SMARCA1: variants seen among roughly 807,000 people sequenced by gnomAD.
The protein encoded by SMARCA1 is SNF2 related chromatin remodeling ATPase 1.
A neutral mutation model predicts 93.6 loss-of-function variants in SMARCA1; 17 were observed. That is an observed-to-expected ratio of 0.18 (90% CI 0.12 to 0.27). SMARCA1 has a LOEUF of 0.27. Among genes scored for constraint, SMARCA1 ranks in the 10% least tolerant of loss-of-function variants. The pLI is 1.00. For synonymous variants in SMARCA1, 271 were observed against 271.4 expected (o/e 1.00, Z 0.01); for missense variants, 630 against 819.0 (o/e 0.77, Z 2.82).
intron 12 of SMARCA1, among the ~76,000 whole-genome samples, chrX:129,493,514 C>T (rs909293653): frequency 3.6e-5 from 4 of 111,029 alleles, no homozygotes; most frequent in Admixed American, 9.7e-5. Flanking sequence ...TAACTACCAC[C>T]GTCACAGTCA....
At chrX:129,452,785 C>A (rs1932373284) in intron 23 of SMARCA1, among the ~76,000 whole-genome samples, 1 of 112,164 alleles carries the variant, frequency 8.9e-6, no homozygotes, top group Admixed American at 9.4e-5. Flanking sequence ...TACTGCACTT[C>A]ACTTTACTGA....
At chrX:129,483,270 G>A (rs1223306898) in intron 17 of SMARCA1, among the ~76,000 whole-genome samples, 1 of 111,781 alleles carries the variant, frequency 8.9e-6, no homozygotes, top group Non-Finnish European at 1.9e-5. Flanking sequence ...ATAAAACAGT[G>A]AAACAAACTA....
intron 10 of SMARCA1, among the ~76,000 whole-genome samples, chrX:129,499,307 G>T (rs751585510): frequency 8.9e-6 from 1 of 111,951 alleles, no homozygotes; most frequent in African/African-American, 3.2e-5. Context: ...CTCCCAAAGT[G>T]CTGGGATTAC....
chrX:129,479,730 C>T (rs928916074), intron 19 of SMARCA1, among the ~76,000 whole-genome samples: 22 of 104,369 alleles, frequency 2.1e-4, no homozygotes, highest in Admixed American at 4.1e-4. Flanking sequence ...CAGAGTCTCC[C>T]TCTGTCGCCC....
At chrX:129,512,123 C>A in intron 5 of SMARCA1, 140 bp from the exon 6 acceptor site, 1 of 465,955 alleles carries the variant, frequency 2.1e-6, no homozygotes, top group African/African-American at 2.4e-5. Context: ...AGTAAAAATA[C>A]CAAATACCTT....
chrX:129,451,180 A>C (rs1299750914), intron 23 of SMARCA1, among the ~76,000 whole-genome samples: 2 of 112,414 alleles, frequency 1.8e-5, no homozygotes, highest in African/African-American at 6.5e-5. Context: ...AACAATAGTG[A>C]TATCTTTAGT....
chrX:129,454,519 G>A (rs1932494138), intron 23 of SMARCA1, among the ~76,000 whole-genome samples: 1 of 111,792 alleles, frequency 8.9e-6, no homozygotes, highest in South Asian at 3.7e-4. Context: ...TACAGAATGG[G>A]AGAAAATCTT....
rs1426102353 is a variant in SMARCA1 at position 129,490,155 on chromosome X, C to T, written c.1853G>A (p.Arg618His). The T allele has an allele frequency of 3.4e-6, 4 of 1,192,723 alleles. No individual in the cohort carries two copies. The highest frequency in any genetic ancestry group is 2.2e-5 in the Admixed American group (1 of 45,864). ...GTTGTCAGTGATGAGACGGAATACA[C>T]GTACTGGTTTCTTCTGACCAATACG... ...AHRIGQKKPV[R>H]VFRLITDNTV... is the part of the protein sequence containing the mutation. The change falls in exon 15 of 25, where the codon CGT becomes CAT. Residue 618 changes from arginine (R) to histidine (H), a missense_variant. Physicochemically the swap from Arg to His is conservative, Grantham distance 29 (BLOSUM62 0). Coordinates refer to ENST00000371121, the MANE Select transcript of SMARCA1 (RefSeq NM_001282874.2).
At chrX:129,453,511 G>A (rs756827281) in intron 23 of SMARCA1, among the ~76,000 whole-genome samples, 46 of 112,158 alleles carry the variant, frequency 4.1e-4, no homozygotes, top group Middle Eastern at 4.2e-3. Context: ...CAAATTGTCT[G>A]TTTGCAGATG....
chrX:129,463,048 G>C (rs1932833016), intron 23 of SMARCA1, among the ~76,000 whole-genome samples: 1 of 110,846 alleles, frequency 9.0e-6, no homozygotes, highest in African/African-American at 3.3e-5. Context: ...TCGTCCTACT[G>C]GTTTAATGAT....
intron 1 of SMARCA1, among the ~76,000 whole-genome samples, chrX:129,521,809 A>T (rs1178743305): frequency 8.9e-6 from 1 of 112,351 alleles, no homozygotes; most frequent in African/African-American, 3.2e-5. Flanking sequence ...AGATCTTACA[A>T]TGTGTATGTT....
chrX:129,481,200 C>A lies in SMARCA1; in HGVS notation c.2218-15G>T. 1 of 1,053,256 alleles carries A rather than the reference C, an allele frequency of 9.5e-7. No homozygotes were observed. Among genetic ancestry groups the A allele is most frequent in the Non-Finnish European group, 1.3e-6 (1 of 755,678 alleles). 86.8% of individuals were successfully genotyped at this position (1,053,256 alleles called of 1,213,427 possible). A position where few individuals can be genotyped will look rare whatever the true frequency, so the allele number is the denominator to read the frequency against. Reference sequence around the variant, plus strand: ...ACCATGCCAAGCTATACACAACAAACAACAACAAGGGGTTTAATGACTCCA... The same window carrying A: ...ACCATGCCAAGCTATACACAACAAAAAACAACAAGGGGTTTAATGACTCCA... On this transcript the variant is annotated splice_polypyrimidine_tract_variant and intron_variant, in intron 17 of 24. Transcript: ENST00000371121.
At chrX:129,488,610 TAA>T (rs35620990) in intron 16 of SMARCA1, among the ~76,000 whole-genome samples, 7,085 of 64,927 alleles carry the variant, frequency 0.11, 360 homozygotes, top group East Asian at 0.34. Flanking sequence ...CCTGTCTCTT[TAA>T]AAAAAAAAAA....
chrX:129,501,656 C>A (rs1242368946), intron 9 of SMARCA1, among the ~76,000 whole-genome samples: 1 of 107,035 alleles, frequency 9.3e-6, no homozygotes, highest in Non-Finnish European at 1.9e-5. Flanking sequence ...ACTCTGTCAC[C>A]AGGCTGAAAT....
chrX:129,488,601 C>T (rs1436831029), intron 16 of SMARCA1, among the ~76,000 whole-genome samples: 5 of 85,834 alleles, frequency 5.8e-5, no homozygotes, highest in African/African-American at 2.3e-4. Context: ...GAGCAAAACC[C>T]TGTCTCTTTA....
chrX:129,457,398 C>T (rs1932681511), intron 23 of SMARCA1, among the ~76,000 whole-genome samples: 2 of 111,761 alleles, frequency 1.8e-5, no homozygotes, highest in South Asian at 7.5e-4. Flanking sequence ...TGTAAAGAAA[C>T]TGGGAACTAA....
At chrX:129,510,435 G>A (rs1347099371) in intron 6 of SMARCA1, among the ~76,000 whole-genome samples, 3 of 112,038 alleles carry the variant, frequency 2.7e-5, no homozygotes, top group Non-Finnish European at 5.6e-5. Flanking sequence ...AGGCACAGTG[G>A]TGCACACTTG....
intron 5 of SMARCA1, among the ~76,000 whole-genome samples, chrX:129,514,437 AG>A (rs1379707574): frequency 1.8e-5 from 2 of 112,719 alleles, no homozygotes; most frequent in African/African-American, 6.4e-5. Flanking sequence ...TGATTTCCAA[AG>A]CCCCACCATG....
chrX:129,460,060 G>C (rs1932780109), intron 23 of SMARCA1, among the ~76,000 whole-genome samples: 1 of 110,796 alleles, frequency 9.0e-6, no homozygotes, highest in African/African-American at 3.3e-5. Context: ...TGAGGTGGGA[G>C]GTTCGCTTGA....
Sources: allele counts gnomAD v4.1 joint callset (sites outside exome capture counted in the v4.1 genomes callset), GRCh38; gene constraint gnomAD v4.1.1; transcripts MANE v1.5; gene names NCBI Gene and HGNC (gene_info 2026-07-23, HGNC 2026-07-21).